The following RYR2 variants were observed in gnomAD, a reference collection of about 807,000 sequenced individuals.
RYR2 encodes the protein cardiac muscle ryanodine receptor-calcium release channel.
Under a neutral mutation model 601.1 loss-of-function variants are expected in RYR2, and 227 were observed. That is an observed-to-expected ratio of 0.38 (90% CI 0.34 to 0.42). RYR2 has a LOEUF of 0.42. Among genes scored for constraint, RYR2 ranks in the 10% least tolerant of loss-of-function variants. The pLI, the probability that RYR2 is intolerant of heterozygous loss-of-function variation, is 1.00. For missense variants in RYR2, 4,646 were observed against 6,156.5 expected, an observed-to-expected ratio of 0.75 and a Z score of 8.21; for synonymous variants, 2,223 against 2,175.1, an observed-to-expected ratio of 1.02 and a Z score of -0.61.
At chr1:237,496,826 T>C in intron 20 of RYR2, 74 bp downstream of exon 20, 1 of 1,523,050 alleles carries the variant, frequency 6.6e-7, no homozygotes, top group Non-Finnish European at 8.9e-7. Context: ...CTATTGGTGC[T>C]GCTTCCATTA....
rs1168781266 is a variant in RYR2 at position 237,163,568 on chromosome 1, A to C, written c.49-106929A>C. ...GGTTAAGGTGAGTAATTCCTTGAGG[A>C]CTATTCCTTTGACCTCTTCTTATAA... On this transcript the variant is annotated intron_variant, in intron 1 of 104. Coordinates refer to ENST00000366574, the MANE Select transcript of RYR2 (RefSeq NM_001035.3). Among the ~76,000 whole-genome samples, 3 of 152,130 alleles carry C rather than the reference A, an allele frequency of 2.0e-5. No individual in the cohort carries two copies. The East Asian group carries it at 5.8e-4, about 29-fold the overall frequency.
intron 12 of RYR2, among the ~76,000 whole-genome samples, chr1:237,428,668 A>G (rs1453420880): frequency 6.6e-6 from 1 of 151,730 alleles, no homozygotes; most frequent in Non-Finnish European, 1.5e-5. Context: ...TAAAACCTAG[A>G]TGATGGGTTG....
chr1:237,105,996 G>A (rs936217863), intron 1 of RYR2, among the ~76,000 whole-genome samples: 5 of 152,144 alleles, frequency 3.3e-5, no homozygotes, highest in Non-Finnish European at 7.4e-5. Context: ...GTGGGAGTGT[G>A]CCTGGAGACT....
At chr1:237,571,594 C>T (rs963330416) in intron 29 of RYR2, among the ~76,000 whole-genome samples, 4 of 152,110 alleles carry the variant, frequency 2.6e-5, no homozygotes, top group African/African-American at 9.7e-5. Context: ...GGAATATAGG[C>T]GTGAGCCACT....
intron 92 of RYR2, among the ~76,000 whole-genome samples, chr1:237,789,022 G>A (rs1339809943): frequency 1.3e-5 from 2 of 150,918 alleles, no homozygotes; most frequent in African/African-American, 4.9e-5. Flanking sequence ...GTGTATATAT[G>A]TATAATTATA....
At chr1:237,792,353 G>C (rs1356006715) in intron 94 of RYR2, 30 bp downstream of exon 94, 2 of 122,500 alleles carry the variant, frequency 1.6e-5, no homozygotes, top group Non-Finnish European at 1.5e-5. Context: ...AGGTACCTGT[G>C]TGTGTGTGTG....
intron 1 of RYR2, among the ~76,000 whole-genome samples, chr1:237,194,378 T>C (rs1680326903): frequency 6.6e-6 from 1 of 152,162 alleles, no homozygotes; most frequent in Non-Finnish European, 1.5e-5. Context: ...GTACTATACA[T>C]GAGTGAGAAA....
chr1:237,723,746 C>T (rs908545506), intron 74 of RYR2, among the ~76,000 whole-genome samples: 2 of 152,128 alleles, frequency 1.3e-5, no homozygotes, highest in East Asian at 3.9e-4. Flanking sequence ...AAATCAGGAA[C>T]AAATTACACT....
intron 1 of RYR2, among the ~76,000 whole-genome samples, chr1:237,084,164 C>G (rs985341524): frequency 6.6e-6 from 1 of 152,152 alleles, no homozygotes; most frequent in Non-Finnish European, 1.5e-5. Context: ...AGGAGCTCAC[C>G]GTGGAAAGGA....
intron 62 of RYR2, 129 bp from the exon 63 acceptor site, chr1:237,687,326 C>A (rs1374720734): frequency 7.9e-6 from 5 of 630,484 alleles, no homozygotes; most frequent in Non-Finnish European, 1.4e-5. Context: ...TGCTTTTTTC[C>A]GGCTCATATA....
intron 1 of RYR2, among the ~76,000 whole-genome samples, chr1:237,255,841 G>GTGTA (rs1315933071): frequency 7.3e-6 from 1 of 137,192 alleles, no homozygotes; most frequent in Non-Finnish European, 1.7e-5. Context: ...CTATACCAGT[G>GTGTA]TGTGTGTGTG....
In RYR2 at chr1:237,781,651, T is replaced by C; in HGVS notation, c.11962+5T>C. The C allele has an allele frequency of 1.3e-6, 2 of 1,495,826 alleles. No homozygotes were observed. The highest frequency in any genetic ancestry group is 9.2e-7 in the Non-Finnish European group (1 of 1,085,600). The allele number at this position is 1,495,826 out of a possible 1,614,324, so 92.7% of individuals were successfully genotyped here. On this transcript the variant is annotated splice_donor_5th_base_variant and intron_variant, in intron 89 of 104. Transcript: ENST00000366574. ...TGTTGCTGTCCATGTTAGAAGGTAGTTTTGATTTATACTTTTAAATTCTCT... is the reference window on the plus strand; with the variant it reads ...TGTTGCTGTCCATGTTAGAAGGTAGCTTTGATTTATACTTTTAAATTCTCT...
At chr1:237,064,179 C>A (rs950349204) in intron 1 of RYR2, among the ~76,000 whole-genome samples, 1 of 151,868 alleles carries the variant, frequency 6.6e-6, no homozygotes, top group African/African-American at 2.4e-5. Context: ...ATTTTCATTC[C>A]TTTTATTTTT....
At chr1:237,827,885 CG>C in intron 101 of RYR2, among the ~76,000 whole-genome samples, 1 of 131,130 alleles carries the variant, frequency 7.6e-6, no homozygotes, top group African/African-American at 2.9e-5. Flanking sequence ...TGCAGTGAGC[CG>C]AGATTGTGCC....
intron 1 of RYR2, among the ~76,000 whole-genome samples, chr1:237,237,945 C>CCTTT (rs1685739072): frequency 2.8e-5 from 1 of 35,500 alleles, no homozygotes; most frequent in African/African-American, 6.5e-5. Context: ...CTTTCCTTTC[C>CCTTT]CCTTTCCTTT....
At chr1:237,688,157 T>G (rs1321052738) in intron 63 of RYR2, among the ~76,000 whole-genome samples, 2 of 152,220 alleles carry the variant, frequency 1.3e-5, no homozygotes, top group Non-Finnish European at 2.9e-5. Flanking sequence ...CCGTGGGGCT[T>G]TAGAATCTTT....
intron 16 of RYR2, among the ~76,000 whole-genome samples, chr1:237,464,191 T>C (rs116411487): frequency 1.1e-3 from 171 of 152,246 alleles, no homozygotes; most frequent in African/African-American, 3.9e-3. Context: ...AAATTCCAGG[T>C]TCATGGACTA....
intron 1 of RYR2, among the ~76,000 whole-genome samples, chr1:237,249,045 G>A (rs1022290441): frequency 8.5e-5 from 13 of 152,068 alleles, no homozygotes; most frequent in Non-Finnish European, 1.2e-4. Context: ...GATTATAGGC[G>A]TGAGCCATTG....
At chr1:237,731,901 C>CACACACACAT in intron 77 of RYR2, 145 bp from the exon 78 acceptor site, 1 of 576,766 alleles carries the variant, frequency 1.7e-6, no homozygotes, top group East Asian at 2.8e-5. Context: ...TACACACACA[C>CACACACACAT]ACACACACAC....
Sources: gnomAD v4.1 joint callset for allele counts (sites outside exome capture counted in the v4.1 genomes callset) on GRCh38, gnomAD v4.1.1 for gene constraint, MANE v1.5 for transcripts, NCBI Gene and HGNC (gene_info 2026-07-23, HGNC 2026-07-21) for gene names.